The following SGF29 variants were observed in gnomAD, a reference collection of about 807,000 sequenced individuals.
The protein encoded by SGF29 is SAGA-associated factor 29.
Under a neutral mutation model 38.1 loss-of-function variants are expected in SGF29, and 15 were observed. The observed-to-expected ratio is 0.39, with a 90% CI of 0.26 to 0.61. The LOEUF (loss-of-function observed/expected upper bound fraction) is 0.61, where lower values mean the gene tolerates loss of function less well. SGF29 is among the 20% of genes least tolerant of loss of function. The probability of loss-of-function intolerance (pLI) is 0.49; values close to 1 mark genes in which losing one functional copy is unlikely to be tolerated. For missense variants in SGF29, 184 were observed against 394.6 expected (o/e 0.47, Z 4.52); for synonymous variants, 151 against 160.8 (o/e 0.94, Z 0.46).
chr16:28,581,918 C>CAAAAAAAAA (rs201203626), intron 2 of SGF29, among the ~76,000 whole-genome samples: 1 of 137,246 alleles, frequency 7.3e-6, no homozygotes. Flanking sequence ...GACTCCATCT[C>CAAAAAAAAA]AAAAAAAAAA....
At chr16:28,588,653 C>G (rs1200612836) in intron 4 of SGF29, 1 of 424,960 alleles carries the variant, frequency 2.4e-6, no homozygotes, top group Non-Finnish European at 4.7e-6. Context: ...CAACCTCTGC[C>G]TCCCAGGTTC....
At chr16:28,557,400 A>G (rs1379649093) in intron 1 of SGF29, among the ~76,000 whole-genome samples, 1 of 152,166 alleles carries the variant, frequency 6.6e-6, no homozygotes, top group Admixed American at 6.6e-5. Context: ...CAGGGTGGGT[A>G]TGGAAGCTCT....
rs2046822454 is a variant in SGF29, at chr16:28,564,725, A to ATG, written c.-16+10629_-16+10630insGT. 4.1e-5 allele frequency among the ~76,000 whole-genome samples: 2 copies of ATG among 48,406 alleles called. 1 individual carries two copies. Among genetic ancestry groups the ATG allele is most frequent in the Non-Finnish European group, 9.5e-5 (2 of 21,060 alleles). The allele number at this position is 48,406 out of a possible 152,430, so 31.8% of individuals were successfully genotyped here. On this transcript the variant is annotated intron_variant, in intron 1 of 9. Coordinates refer to ENST00000317058, the MANE Select transcript of SGF29 (RefSeq NM_138414.3). ...TATATATACATATATATGTATATATATACATATATATGTATATATGTATAT... is the reference window on the plus strand; with the variant it reads ...TATATATACATATATATGTATATATATGTACATATATATGTATATATGTATAT...
intron 1 of SGF29, among the ~76,000 whole-genome samples, chr16:28,570,977 G>A (rs1198591904): frequency 6.6e-6 from 1 of 152,092 alleles, no homozygotes; most frequent in Admixed American, 6.6e-5. Context: ...TGGACTGAAT[G>A]TATTTTGCAA....
chr16:28,564,731 ATATATGTATATATG>A lies in SGF29; in HGVS notation c.-16+10640_-16+10653del, dbSNP rs1567286065. Reference sequence around the variant, plus strand: ...TACATATATATGTATATATATACATATATATGTATATATGTATATATATGTATATATGTATATAT... The same window carrying A: ...TACATATATATGTATATATATACATATATATATATGTATATATGTATATAT... On this transcript the variant is annotated intron_variant, in intron 1 of 9. Transcript: ENST00000317058. Among the ~76,000 whole-genome samples the A allele has an allele frequency of 8.5e-3, 113 of 13,286 alleles. 2 individuals are homozygous for A. Among genetic ancestry groups the A allele is most frequent in the Non-Finnish European group, 0.013 (84 of 6,714 alleles). The allele number at this position is 13,286 out of a possible 152,430, so 8.7% of individuals were successfully genotyped here. A position where few individuals can be genotyped will look rare whatever the true frequency, so the allele number is the denominator to read the frequency against.
chr16:28,563,419 C>G (rs1353339287), intron 1 of SGF29, among the ~76,000 whole-genome samples: 1 of 152,136 alleles, frequency 6.6e-6, no homozygotes, highest in Non-Finnish European at 1.5e-5. Flanking sequence ...AGGCACTACC[C>G]AGTAGGCACA....
chr16:28,582,711 A>AG (rs1247440875), intron 2 of SGF29, among the ~76,000 whole-genome samples: 2 of 152,198 alleles, frequency 1.3e-5, no homozygotes, highest in Admixed American at 6.5e-5. Flanking sequence ...TGGGAGGCTG[A>AG]GGCGGGTGGA....
chr16:28,573,834 A>G (rs2046879060), intron 1 of SGF29, among the ~76,000 whole-genome samples: 1 of 152,092 alleles, frequency 6.6e-6, no homozygotes, highest in African/African-American at 2.4e-5. Flanking sequence ...GGCAGTATCA[A>G]GGATATTGAG....
chr16:28,584,967 C>T lies in SGF29; in HGVS notation c.130C>T (p.Arg44Trp). ...AGTGAACATCCAGAAGACCCATGAG[C>T]GGATGCAGACAGAGAACAAGAGTGA... ...NLVNIQKTHE[R>W]MQTENKISPY... Residue 44 changes from arginine to tryptophan, a missense_variant, in exon 3 of 10, where the codon CGG becomes TGG. Coordinates refer to ENST00000317058, the MANE Select transcript of SGF29 (RefSeq NM_138414.3). 2 of 1,613,634 alleles carry T rather than the reference C, an allele frequency of 1.2e-6. No homozygotes were observed. The highest frequency in any genetic ancestry group is 8.5e-7 in the Non-Finnish European group (1 of 1,179,874).
At chr16:28,579,443 A>C (rs907261469) in intron 1 of SGF29, among the ~76,000 whole-genome samples, 1 of 150,578 alleles carries the variant, frequency 6.6e-6, no homozygotes, top group Non-Finnish European at 1.5e-5. Flanking sequence ...TTTTTAGTAG[A>C]GACAAGGTTT....
chr16:28,563,085 T>G (rs976215881), intron 1 of SGF29, among the ~76,000 whole-genome samples: 1 of 152,084 alleles, frequency 6.6e-6, no homozygotes, highest in Admixed American at 6.6e-5. Context: ...TTGTTGGGAT[T>G]TGCTTTAAAA....
chr16:28,591,762 G>C lies in SGF29; in HGVS notation c.*56G>C. 5 of 1,415,588 alleles carry C rather than the reference G, an allele frequency of 3.5e-6. No homozygotes were observed. The South Asian group carries it at 5.9e-5, about 17-fold the overall frequency. The allele number at this position is 1,415,588 out of a possible 1,614,324, so 87.7% of individuals were successfully genotyped here. On this transcript the variant is annotated 3_prime_UTR_variant, in exon 10 of 10. Transcript: ENST00000317058. The stretch of plus-strand genomic sequence containing the variant: ...GACACAGGGCAGGACAGCAGAGGAC[G>C]TGCTGGGATTAAACACATTCCCCCT...
chr16:28,568,358 G>A (rs376163633), intron 1 of SGF29, among the ~76,000 whole-genome samples: 4 of 148,802 alleles, frequency 2.7e-5, no homozygotes, highest in East Asian at 2.0e-4. Context: ...AGGAATTCTC[G>A]TTGATTTACA....
intron 1 of SGF29, among the ~76,000 whole-genome samples, chr16:28,573,976 A>G (rs2046879674): frequency 6.6e-6 from 1 of 152,144 alleles, no homozygotes; most frequent in Non-Finnish European, 1.5e-5. Flanking sequence ...GGCTGTTAAT[A>G]GGGCTCAGGT....
At chr16:28,583,601 A>G (rs1222851562) in intron 2 of SGF29, among the ~76,000 whole-genome samples, 2 of 152,226 alleles carry the variant, frequency 1.3e-5, no homozygotes, top group Non-Finnish European at 2.9e-5. Flanking sequence ...GATCTGTCTC[A>G]GTTTCCAGCA....
intron 1 of SGF29, among the ~76,000 whole-genome samples, chr16:28,560,277 T>C (rs1376667447): frequency 8.1e-5 from 12 of 148,290 alleles, no homozygotes; most frequent in Non-Finnish European, 1.5e-5. Flanking sequence ...CAGGAAAATA[T>C]GATCTGTGTT....
intron 4 of SGF29, among the ~76,000 whole-genome samples, 158 bp from the exon 5 acceptor site, chr16:28,588,942 C>T (rs144112456): frequency 1.3e-5 from 2 of 152,292 alleles, no homozygotes; most frequent in East Asian, 1.9e-4. Context: ...AACCTGCACA[C>T]ACCTGTCATT....
intron 1 of SGF29, among the ~76,000 whole-genome samples, chr16:28,556,194 G>A (rs1418703503): frequency 2.6e-5 from 4 of 152,082 alleles, no homozygotes; most frequent in African/African-American, 7.2e-5. Context: ...TTTTGAGATG[G>A]AGTCTCGCTC....
At chr16:28,564,771 A>G (rs866796985) in intron 1 of SGF29, among the ~76,000 whole-genome samples, 2 of 62,238 alleles carry the variant, frequency 3.2e-5, no homozygotes, top group Non-Finnish European at 6.6e-5. Flanking sequence ...ATGTATATAT[A>G]TGTATATATA....
Sources: gnomAD v4.1 joint callset for allele counts (sites outside exome capture counted in the v4.1 genomes callset) on GRCh38, gnomAD v4.1.1 for gene constraint, MANE v1.5 for transcripts, NCBI Gene and HGNC (gene_info 2026-07-23, HGNC 2026-07-21) for gene names.